DBX2: variants seen among roughly 807,000 people sequenced by gnomAD.
DBX2 encodes developing brain homeobox 2, also known as homeobox protein DBX2.
Under a neutral mutation model 17.7 loss-of-function variants are expected in DBX2, and 16 were observed. The observed-to-expected ratio is 0.90, with a 90% CI of 0.61 to 1.37. The LOEUF (loss-of-function observed/expected upper bound fraction) is 1.37, where lower values mean the gene tolerates loss of function less well. Among genes scored for constraint, DBX2 ranks in the 40% most tolerant of loss-of-function variants. The pLI, the probability that DBX2 is intolerant of heterozygous loss-of-function variation, is 0.00. For missense variants in DBX2, 538 were observed against 433.8 expected (o/e 1.24, Z -2.13); for synonymous variants, 255 against 183.8 (o/e 1.39, Z -3.13).
In DBX2 at chr12:45,039,277, GTATATATATATATA is replaced by G. The variant is rs58371508; in HGVS notation, c.404-3177_404-3164del. 4.8e-3 allele frequency among the ~76,000 whole-genome samples: 430 copies of G among 90,290 alleles called. 7 individuals carry two copies. Among genetic ancestry groups the G allele is most frequent in the South Asian group, 0.029 (69 of 2,344 alleles). The allele number at this position is 90,290 out of a possible 152,430, so 59.2% of individuals were successfully genotyped here. A position where few individuals can be genotyped will look rare whatever the true frequency, so the allele number is the denominator to read the frequency against. Reference sequence around the variant, plus strand: ...TTTAAAACAATGCACTGCATTGAAGGTATATATATATATATATATATATATATATATATATATAT... The same window carrying G: ...TTTAAAACAATGCACTGCATTGAAGGTATATATATATATATATATATATAT... On this transcript the variant is annotated intron_variant, in intron 1 of 3. Transcript: ENST00000332700.
At chr12:45,049,215 C>T (rs1946515881) in intron 1 of DBX2, among the ~76,000 whole-genome samples, 1 of 152,144 alleles carries the variant, frequency 6.6e-6, no homozygotes, top group Non-Finnish European at 1.5e-5. Context: ...TGCCAAGCCA[C>T]CAAAAGTTAT....
At chr12:45,030,010 T>C (rs1051698924) in intron 2 of DBX2, among the ~76,000 whole-genome samples, 4 of 152,030 alleles carry the variant, frequency 2.6e-5, no homozygotes, top group African/African-American at 9.7e-5. Context: ...TGCTCCCTAA[T>C]TGCCGTCTTC....
At chr12:45,020,654 T>C (rs1946346533) in intron 3 of DBX2, among the ~76,000 whole-genome samples, 1 of 123,166 alleles carries the variant, frequency 8.1e-6, no homozygotes, top group Non-Finnish European at 1.6e-5. Flanking sequence ...TAGATTTTTA[T>C]GTATGTATAT....
intron 2 of DBX2, among the ~76,000 whole-genome samples, chr12:45,033,692 T>C (rs1946421243): frequency 6.6e-6 from 1 of 152,198 alleles, no homozygotes; most frequent in African/African-American, 2.4e-5. Context: ...CTATCATTTA[T>C]TAAAATCACC....
intron 1 of DBX2, among the ~76,000 whole-genome samples, chr12:45,039,183 A>T (rs1946455977): frequency 6.7e-6 from 1 of 148,276 alleles, no homozygotes; most frequent in African/African-American, 2.5e-5. Context: ...TCCTATTTTG[A>T]CCTAAGTCAA....
At chr12:45,019,193 G>C (rs541017261) in intron 3 of DBX2, among the ~76,000 whole-genome samples, 1 of 151,988 alleles carries the variant, frequency 6.6e-6, no homozygotes, top group East Asian at 1.9e-4. Context: ...ACTTAGAAAG[G>C]ACTTTTGCAA....
intron 1 of DBX2, among the ~76,000 whole-genome samples, chr12:45,036,687 CTT>C (rs1946442938): frequency 6.6e-6 from 1 of 152,098 alleles, no homozygotes; most frequent in Admixed American, 6.5e-5. Flanking sequence ...GTTTATATCT[CTT>C]TGCTTATTTT....
intron 3 of DBX2, among the ~76,000 whole-genome samples, chr12:45,020,790 A>T (rs1450563439): frequency 6.6e-6 from 1 of 151,912 alleles, no homozygotes; most frequent in Non-Finnish European, 1.5e-5. Context: ...TTGACATCAA[A>T]TGTAAGGGCG....
intron 3 of DBX2, among the ~76,000 whole-genome samples, chr12:45,018,534 C>T (rs1234670847): frequency 6.6e-6 from 1 of 151,714 alleles, no homozygotes; most frequent in Non-Finnish European, 1.5e-5. Context: ...CTTGGGGAAA[C>T]GAATGTTTTC....
intron 1 of DBX2, 87 bp from the exon 2 acceptor site, chr12:45,036,201 T>C (rs771776443): frequency 2.6e-6 from 3 of 1,157,110 alleles, no homozygotes; most frequent in Non-Finnish European, 3.5e-6. Context: ...ATTGAGTAAA[T>C]ACTTTGCTTA....
intron 1 of DBX2, among the ~76,000 whole-genome samples, chr12:45,045,607 A>G (rs1414863319): frequency 6.6e-6 from 1 of 152,236 alleles, no homozygotes. Flanking sequence ...TGGCACACCC[A>G]AAGAGAACTA....
chr12:45,020,659 GTATATGTATA>G (rs1946346573), intron 3 of DBX2, among the ~76,000 whole-genome samples: 1 of 115,550 alleles, frequency 8.7e-6, no homozygotes, highest in Non-Finnish European at 1.7e-5. Context: ...TTTTATGTAT[GTATATGTATA>G]TATATGTATA....
At chr12:45,020,969 C>A (rs1186320030) in intron 3 of DBX2, among the ~76,000 whole-genome samples, 1 of 152,106 alleles carries the variant, frequency 6.6e-6, no homozygotes, top group East Asian at 1.9e-4. Context: ...GATGAGTTTT[C>A]ACTTTTATCT....
chr12:45,046,355 T>C (rs1329937955), intron 1 of DBX2, among the ~76,000 whole-genome samples: 1 of 152,102 alleles, frequency 6.6e-6, no homozygotes, highest in Non-Finnish European at 1.5e-5. Flanking sequence ...ATGACTGGAG[T>C]GATGGCCTCA....
At chr12:45,032,261 C>T (rs1946414666) in intron 2 of DBX2, among the ~76,000 whole-genome samples, 1 of 152,046 alleles carries the variant, frequency 6.6e-6, no homozygotes, top group Non-Finnish European at 1.5e-5. Flanking sequence ...TGCACAAACT[C>T]GATTATGTTT....
chr12:45,024,022 T>C, intron 2 of DBX2, 128 bp from the exon 3 acceptor site: 2 of 888,184 alleles, frequency 2.3e-6, no homozygotes, highest in Non-Finnish European at 3.2e-6. Context: ...TCTGCTCACT[T>C]AAAGCAGTAC....
At chr12:45,038,681 A>G (rs927089512) in intron 1 of DBX2, among the ~76,000 whole-genome samples, 2 of 117,900 alleles carry the variant, frequency 1.7e-5, no homozygotes, top group Non-Finnish European at 3.1e-5. Context: ...TAAATTCCCA[A>G]CCCTAGGGCC....
Position 45,050,850 on chromosome 12 carries a change from G to A in DBX2, c.78C>T (p.Pro26=). The change falls in exon 1 of 4, where the codon CCC becomes CCT. Residue 26 remains proline, a synonymous_variant. Coordinates refer to ENST00000332700, the MANE Select transcript of DBX2 (RefSeq NM_001004329.3). ...VVASSALLNL[P]AAPGFGNLGK... ...CCAGGTTGCCAAAGCCGGGCGCAGC[G>A]GGGAGGTTGAGGAGCGCGGAGGAAG... 6.5e-7 allele frequency: 1 copy of A among 1,538,554 alleles called. No homozygotes were observed. The highest frequency in any genetic ancestry group is 8.7e-7 in the Non-Finnish European group (1 of 1,145,500).
At chr12:45,041,462 T>C (rs952004718) in intron 1 of DBX2, among the ~76,000 whole-genome samples, 9 of 152,210 alleles carry the variant, frequency 5.9e-5, no homozygotes, top group African/African-American at 2.2e-4. Flanking sequence ...TAATGAAGTT[T>C]GATTTATTTT....
Sources: allele counts gnomAD v4.1 joint callset (sites outside exome capture counted in the v4.1 genomes callset), GRCh38; gene constraint gnomAD v4.1.1; transcripts MANE v1.5; gene names NCBI Gene and HGNC (gene_info 2026-07-23, HGNC 2026-07-21).